Variants in GJC2 observed in about 807,000 individuals in gnomAD.
The protein encoded by GJC2 is gap junction gamma-2 protein.
For missense variants in GJC2, 647 were observed against 648.9 expected (o/e 1.00, Z 0.03); for synonymous variants, 336 against 307.5 (o/e 1.09, Z -0.97).
chr1:228,151,156 G>A lies in GJC2; in HGVS notation c.-20+1149G>A, dbSNP rs758036197. Reference sequence around the variant, plus strand: ...CAGGAGGGGCCCACGCATTCACAGCGCCAACAACCCCAGGGAGGAGAGGGC... The same window carrying A: ...CAGGAGGGGCCCACGCATTCACAGCACCAACAACCCCAGGGAGGAGAGGGC... On this transcript the variant is annotated intron_variant, in intron 1 of 1. Coordinates refer to ENST00000366714, the MANE Select transcript of GJC2 (RefSeq NM_020435.4). This position sits in a 1 kb window ranked among gnomAD's most constrained non-coding sequence, Gnocchi z 5.4. 2.6e-5 allele frequency among the ~76,000 whole-genome samples: 4 copies of A among 152,132 alleles called. No individual in the cohort carries two copies. Among genetic ancestry groups the A allele is most frequent in the East Asian group, 1.9e-4 (1 of 5,178 alleles).
chr1:228,158,359 C>A lies in GJC2; in HGVS notation c.601C>A (p.Arg201=), dbSNP rs2034717615. 1.3e-6 allele frequency: 2 copies of A among 1,592,500 alleles called. No homozygotes were observed. Among genetic ancestry groups the A allele is most frequent in the African/African-American group, 1.3e-5 (1 of 74,636 alleles). The change falls in exon 2 of 2, where the codon CGG becomes AGG. Residue 201 remains arginine, a synonymous_variant. Coordinates refer to ENST00000366714, the MANE Select transcript of GJC2 (RefSeq NM_020435.4). This position sits in a 1 kb window ranked among gnomAD's most constrained non-coding sequence, Gnocchi z 8.3. ...TPGPTGQHDG[R]RRIQREGLMR... is the part of the protein sequence containing the mutation. The stretch of plus-strand genomic sequence containing the variant: ...GGGCCCGACCGGGCAACACGATGGG[C>A]GGAGGCGCATCCAGCGGGAGGGCCT...
At position 228,158,313 on chromosome 1, in the gene GJC2, C is replaced by G; in HGVS notation, c.555C>G (p.Asp185Glu). ...CGTGCACTAAGGCGGTCGGCGCTGA[C>G]GGCAAGGCGGCAGGGACCCCGGGCC... Reference protein sequence around the residue: ...EEACTKAVGADGKAAGTPGPT... With the variant: ...EEACTKAVGAEGKAAGTPGPT... The change falls in exon 2 of 2, where the codon GAC becomes GAG. Residue 185 changes from aspartate to glutamate, a missense_variant. Transcript: ENST00000366714. This position sits in a 1 kb window ranked among gnomAD's most constrained non-coding sequence, Gnocchi z 8.3. 1.9e-6 allele frequency: 3 copies of G among 1,551,202 alleles called. No individual in the cohort carries two copies. The highest frequency in any genetic ancestry group is 2.6e-6 in the Non-Finnish European group (3 of 1,151,470).
In GJC2 at chr1:228,157,750, C is replaced by A; in HGVS notation, c.-9C>A. On this transcript the variant is annotated 5_prime_UTR_variant, in exon 2 of 2. Coordinates refer to ENST00000366714, the MANE Select transcript of GJC2 (RefSeq NM_020435.4). ...TACCCCGCCCCACAGGACCCGCCCG[C>A]CCGCCCCTATGACCAACATGAGCTG... 12 of 430,566 alleles carry A rather than the reference C, an allele frequency of 2.8e-5. No individual in the cohort carries two copies. The highest frequency in any genetic ancestry group is 5.2e-5 in the Non-Finnish European group (11 of 212,694). The allele number at this position is 430,566 out of a possible 1,614,324, so 26.7% of individuals were successfully genotyped here. A position where few individuals can be genotyped will look rare whatever the true frequency, so the allele number is the denominator to read the frequency against.
chr1:228,154,556 G>A (rs1240412360), intron 1 of GJC2, among the ~76,000 whole-genome samples: 1 of 152,202 alleles, frequency 6.6e-6, no homozygotes, highest in Non-Finnish European at 1.5e-5. Flanking sequence ...GTTACCAGGT[G>A]CAGCCCACAG....
At chr1:228,154,175 T>C (rs998563668) in intron 1 of GJC2, among the ~76,000 whole-genome samples, 2 of 152,174 alleles carry the variant, frequency 1.3e-5, no homozygotes, top group Admixed American at 6.5e-5. Context: ...CTACAGCTCC[T>C]TTTCTGCCCC....
Position 228,158,829 on chromosome 1 carries a change from G to A in GJC2, c.1071G>A (p.Ala357=). 1 of 1,459,790 alleles carries A rather than the reference G, an allele frequency of 6.9e-7. No homozygotes were observed. The highest frequency in any genetic ancestry group is 9.0e-7 in the Non-Finnish European group (1 of 1,110,016). The allele number at this position is 1,459,790 out of a possible 1,614,324, so 90.4% of individuals were successfully genotyped here. A position where few individuals can be genotyped will look rare whatever the true frequency, so the allele number is the denominator to read the frequency against. The change falls in exon 2 of 2, where the codon GCG becomes GCA. Residue 357 remains alanine (A), a synonymous_variant. Transcript: ENST00000366714. The surrounding 1 kb of genome is among the most constrained non-coding windows in gnomAD (Gnocchi z 8.3). ...ACCTGGCAAACCTGGCCCTGCAGGC[G>A]CTGCGCGACGGGGCAGCGGCTGGGG... ...DQNLANLALQ[A]LRDGAAAGDR... is the part of the protein sequence containing the mutation.
At chr1:228,154,116 C>G (rs1392409143) in intron 1 of GJC2, among the ~76,000 whole-genome samples, 1 of 152,110 alleles carries the variant, frequency 6.6e-6, no homozygotes, top group African/African-American at 2.4e-5. Flanking sequence ...TATGGATGAG[C>G]TGGGATTAAC....
rs1367568012 is a variant in GJC2, at chr1:228,158,158, G to A, written c.400G>A (p.Gly134Ser). 33 of 1,354,422 alleles carry A rather than the reference G, an allele frequency of 2.4e-5. No individual in the cohort carries two copies. In the East Asian group the frequency reaches 3.7e-4, roughly 15 times the overall value. The allele number at this position is 1,354,422 out of a possible 1,614,324, so 83.9% of individuals were successfully genotyped here. A position where few individuals can be genotyped will look rare whatever the true frequency, so the allele number is the denominator to read the frequency against. Residue 134 changes from glycine to serine, a missense_variant, in exon 2 of 2, where the codon GGC (glycine) becomes AGC (serine). Gly to Ser is a moderately conservative substitution (Grantham distance 56, BLOSUM62 0). Coordinates refer to ENST00000366714, the MANE Select transcript of GJC2 (RefSeq NM_020435.4). This position sits in a 1 kb window ranked among gnomAD's most constrained non-coding sequence, Gnocchi z 8.3. ...PRAHLPPPHA[G>S]WPEPADLGEE... The stretch of plus-strand genomic sequence containing the variant: ...AGCGCACCTGCCGCCCCCGCACGCC[G>A]GCTGGCCTGAGCCCGCCGACCTGGG...
intron 1 of GJC2, among the ~76,000 whole-genome samples, chr1:228,156,088 A>G (rs928244798): frequency 1.3e-5 from 2 of 152,084 alleles, no homozygotes; most frequent in African/African-American, 4.8e-5. Context: ...CCAGGGAGAT[A>G]GGGGAGGTGG....
Position 228,158,335 on chromosome 1 carries a change from G to T in GJC2, c.577G>T (p.Gly193Cys), listed in dbSNP as rs1424210656. The change falls in exon 2 of 2, where the codon GGC (glycine) becomes TGC (cysteine). Residue 193 changes from glycine (G) to cysteine (C), a missense_variant. By Grantham distance (159) the Gly-to-Cys change is radical (BLOSUM62 -3). Coordinates refer to ENST00000366714, the MANE Select transcript of GJC2 (RefSeq NM_020435.4). This position sits in a 1 kb window ranked among gnomAD's most constrained non-coding sequence, Gnocchi z 8.3. ...TGACGGCAAGGCGGCAGGGACCCCG[G>T]GCCCGACCGGGCAACACGATGGGCG... is the stretch of plus-strand genomic sequence containing the variant. Reference protein sequence around the residue: ...GADGKAAGTPGPTGQHDGRRR... With the variant: ...GADGKAAGTPCPTGQHDGRRR... 5.7e-6 allele frequency: 9 copies of T among 1,567,646 alleles called. No homozygotes were observed. The highest frequency in any genetic ancestry group is 7.8e-6 in the Non-Finnish European group (9 of 1,160,652).
Position 228,150,463 on chromosome 1 carries a change from C to T in GJC2, c.-20+456C>T, listed in dbSNP as rs899982050. Among the ~76,000 whole-genome samples the T allele has an allele frequency of 6.6e-6, 1 of 152,314 alleles. No individual in the cohort carries two copies. Among genetic ancestry groups the T allele is most frequent in the South Asian group, 2.1e-4 (1 of 4,830 alleles). On this transcript the variant is annotated intron_variant, in intron 1 of 1. Transcript: ENST00000366714. The surrounding 1 kb of genome is among the most constrained non-coding windows in gnomAD (Gnocchi z 4.6). ...CCAGCCTGCCCCTGGTATAGACAGA[C>T]CTGGGGCCCTGCTCAGTCCCCTCCA...
At chr1:228,156,038 T>TG (rs1445175099) in intron 1 of GJC2, among the ~76,000 whole-genome samples, 1 of 152,054 alleles carries the variant, frequency 6.6e-6, no homozygotes, top group Non-Finnish European at 1.5e-5. Flanking sequence ...CCTGCTGTGA[T>TG]GGGTCAGGTG....
chr1:228,153,252 G>A (rs1040820346), intron 1 of GJC2, among the ~76,000 whole-genome samples: 1 of 152,046 alleles, frequency 6.6e-6, no homozygotes, highest in Non-Finnish European at 1.5e-5. Context: ...CCAAGGTGTG[G>A]ATGGCTCATG....
intron 1 of GJC2, among the ~76,000 whole-genome samples, chr1:228,154,130 G>C (rs1366243498): frequency 6.6e-6 from 1 of 152,152 alleles, no homozygotes; most frequent in Non-Finnish European, 1.5e-5. Flanking sequence ...GATTAACTGA[G>C]GTCCTTGCTG....
At position 228,158,636 on chromosome 1, in the gene GJC2, G is replaced by A; in HGVS notation, c.878G>A (p.Ser293Asn). Residue 293 changes from serine (S) to asparagine (N), a missense_variant, in exon 2 of 2, where the codon AGC (serine) becomes AAC (asparagine). Transcript: ENST00000366714. This position sits in a 1 kb window ranked among gnomAD's most constrained non-coding sequence, Gnocchi z 8.3. Reference protein sequence around the residue: ...LCEMAHLGLGSAQDAVRGRRG... With the variant: ...LCEMAHLGLGNAQDAVRGRRG... ...GAGATGGCCCACCTGGGCTTGGGCA[G>A]CGCGCAGGACGCGGTGCGCGGCCGC... 2 of 1,606,118 alleles carry A rather than the reference G, an allele frequency of 1.2e-6. No individual in the cohort carries two copies. Among genetic ancestry groups the A allele is most frequent in the Non-Finnish European group, 1.7e-6 (2 of 1,177,160 alleles).
rs1002138603 is a variant in GJC2, at chr1:228,152,046, C to T, written c.-20+2039C>T. Among the ~76,000 whole-genome samples the T allele has an allele frequency of 3.3e-5, 5 of 152,086 alleles. No homozygotes were observed. The highest frequency in any genetic ancestry group is 1.2e-4 in the African/African-American group (5 of 41,402). ...AGCCCCCTCTGAGTGAGGACTGTCC[C>T]CACACAGGGCCCTGCAGTGGAGTGC... On this transcript the variant is annotated intron_variant, in intron 1 of 1. Coordinates refer to ENST00000366714, the MANE Select transcript of GJC2 (RefSeq NM_020435.4). The surrounding 1 kb of genome is among the most constrained non-coding windows in gnomAD (Gnocchi z 7.3).
At position 228,158,131 on chromosome 1, in the gene GJC2, C is replaced by A. The variant is rs543481065; in HGVS notation, c.373C>A (p.Arg125=). The A allele has an allele frequency of 6.6e-5, 83 of 1,253,962 alleles. No homozygotes were observed. The highest frequency in any genetic ancestry group is 8.1e-5 in the Non-Finnish European group (81 of 998,508). 77.7% of individuals were successfully genotyped at this position (1,253,962 alleles called of 1,614,324 possible). The change falls in exon 2 of 2, where the codon CGA becomes AGA. Residue 125 remains arginine (R), a synonymous_variant. Coordinates refer to ENST00000366714, the MANE Select transcript of GJC2 (RefSeq NM_020435.4). The surrounding 1 kb of genome is among the most constrained non-coding windows in gnomAD (Gnocchi z 8.3). ...RRRPGPRRAP[R]AHLPPPHAGW... Reference sequence around the variant, plus strand: ...CCGCCCGGGGCCACGCCGCGCGCCCCGAGCGCACCTGCCGCCCCCGCACGC... The same window carrying A: ...CCGCCCGGGGCCACGCCGCGCGCCCAGAGCGCACCTGCCGCCCCCGCACGC...
Position 228,156,409 on chromosome 1 carries a change from G to C in GJC2, c.-19-1331G>C, listed in dbSNP as rs1373099183. ...TGTGCATGGGTATCTGCATATGCAT[G>C]TGCGTGTTCATGCATGTGCACGTGT... On this transcript the variant is annotated intron_variant, in intron 1 of 1. Transcript: ENST00000366714. Among the ~76,000 whole-genome samples, 5 of 152,200 alleles carry C rather than the reference G, an allele frequency of 3.3e-5. No individual in the cohort carries two copies. In the East Asian group the frequency reaches 7.7e-4, roughly 23 times the overall value.
chr1:228,150,406 CCA>C lies in GJC2; in HGVS notation c.-20+401_-20+402del, dbSNP rs1273138199. Among the ~76,000 whole-genome samples the C allele has an allele frequency of 5.9e-5, 9 of 152,152 alleles. No individual in the cohort carries two copies. Among genetic ancestry groups the C allele is most frequent in the Non-Finnish European group, 1.0e-4 (7 of 68,004 alleles). On this transcript the variant is annotated intron_variant, in intron 1 of 1. Transcript: ENST00000366714. The surrounding 1 kb of genome is among the most constrained non-coding windows in gnomAD (Gnocchi z 4.6). Reference sequence around the variant, plus strand: ...CTGCATTGTGTCCAGGCCCAGTCCCCCACCCTCAGCGGCCACCTGGAGGTGAG... The same window carrying C: ...CTGCATTGTGTCCAGGCCCAGTCCCCCCCTCAGCGGCCACCTGGAGGTGAG...
Sources: allele counts gnomAD v4.1 joint callset (sites outside exome capture counted in the v4.1 genomes callset), GRCh38; gene constraint gnomAD v4.1.1; non-coding constraint Gnocchi (gnomAD v3.1); transcripts MANE v1.5; gene names NCBI Gene and HGNC (gene_info 2026-07-23, HGNC 2026-07-21).